The following ESRRG variants were observed in gnomAD, a reference collection of about 807,000 sequenced individuals.
ESRRG encodes estrogen related receptor gamma.
ESRRG carries 13 observed loss-of-function variants against 44.0 expected under a neutral mutation model. The ratio of observed to expected loss-of-function variants is 0.30; its 90% CI spans 0.19 to 0.47. ESRRG has a LOEUF of 0.47. Ranked by LOEUF, ESRRG falls within the 20% of genes least tolerant of loss-of-function variation. The pLI is 1.00. For missense variants in ESRRG, 395 were observed against 580.6 expected, an observed-to-expected ratio of 0.68 and a Z score of 3.29; for synonymous variants, 215 against 214.6, an observed-to-expected ratio of 1.00 and a Z score of -0.02.
rs1051615277 is a variant in ESRRG, at chr1:216,707,061, G to C, written c.56+16183C>G. Among the ~76,000 whole-genome samples the C allele has an allele frequency of 7.2e-5, 11 of 152,172 alleles. No individual in the cohort carries two copies. In the South Asian group the frequency reaches 1.2e-3, roughly 17 times the overall value. On this transcript the variant is annotated intron_variant, in intron 1 of 6. Transcript: ENST00000408911. ...GAGATTATCTCAAGATTAAGGGCAA[G>C]GTTTTCTTATAAAAACTACTTTTCA...
intron 2 of ESRRG, among the ~76,000 whole-genome samples, chr1:216,835,950 G>C (rs1032739440): frequency 6.6e-6 from 1 of 151,944 alleles, no homozygotes; most frequent in African/African-American, 2.4e-5. Context: ...GCCCTAGTTC[G>C]ATAGAGTCCC....
At chr1:216,821,960 G>T (rs181508919) in intron 2 of ESRRG, among the ~76,000 whole-genome samples, 13 of 151,896 alleles carry the variant, frequency 8.6e-5, no homozygotes, top group African/African-American at 2.4e-4. Context: ...TCCATATTCT[G>T]ATGTCCCTAG....
intron 2 of ESRRG, among the ~76,000 whole-genome samples, chr1:216,935,765 T>C (rs1185077743): frequency 2.6e-5 from 4 of 151,954 alleles, no homozygotes; most frequent in Non-Finnish European, 5.9e-5. Flanking sequence ...TACAGGCACC[T>C]GCCACCATGC....
chr1:216,852,842 A>G (rs11117707), intron 2 of ESRRG, among the ~76,000 whole-genome samples: 8,024 of 142,688 alleles, frequency 0.056, 736 homozygotes, highest in African/African-American at 0.2. Context: ...GGCTCTTTCC[A>G]TGTTAAGATT....
chr1:216,583,455 T>C (rs937107834), intron 3 of ESRRG, among the ~76,000 whole-genome samples: 2 of 152,322 alleles, frequency 1.3e-5, no homozygotes, highest in Admixed American at 6.5e-5. Flanking sequence ...TTGAGGAAAC[T>C]AGATTGGAAT....
chr1:216,922,792 T>G (rs1466796244), intron 2 of ESRRG, among the ~76,000 whole-genome samples: 22 of 152,178 alleles, frequency 1.4e-4, no homozygotes, highest in Admixed American at 1.4e-3. Flanking sequence ...ACTTTAGTGT[T>G]TCCTGTGGGT....
intron 5 of ESRRG, among the ~76,000 whole-genome samples, chr1:216,554,552 C>A (rs1032761174): frequency 2.0e-5 from 3 of 151,832 alleles, no homozygotes; most frequent in African/African-American, 4.8e-5. Context: ...TGGAGGACTG[C>A]TAGAGCCCAG....
intron 2 of ESRRG, among the ~76,000 whole-genome samples, chr1:216,889,539 C>A (rs2149386190): frequency 6.6e-6 from 1 of 152,316 alleles, no homozygotes; most frequent in East Asian, 1.9e-4. Context: ...AAAGGAGTTT[C>A]TCCATTCTGG....
intron 1 of ESRRG, among the ~76,000 whole-genome samples, chr1:217,123,887 T>A (rs1438372245): frequency 6.6e-6 from 1 of 152,088 alleles, no homozygotes; most frequent in African/African-American, 2.4e-5. Context: ...CCTGCACATC[T>A]CGCACATGTA....
At chr1:216,756,606 C>T (rs2092461243) in intron 2 of ESRRG, among the ~76,000 whole-genome samples, 1 of 151,580 alleles carries the variant, frequency 6.6e-6, no homozygotes, top group East Asian at 1.9e-4. Flanking sequence ...ATTCTAGCTA[C>T]TTTAAAAGAG....
At chr1:216,652,213 G>T (rs1044652013) in intron 2 of ESRRG, among the ~76,000 whole-genome samples, 1 of 152,046 alleles carries the variant, frequency 6.6e-6, no homozygotes, top group South Asian at 2.1e-4. Context: ...CAAAACTCAG[G>T]GTCCGTCCAA....
intron 1 of ESRRG, among the ~76,000 whole-genome samples, chr1:216,956,700 G>A (rs12065974): frequency 0.047 from 7,226 of 152,246 alleles, 530 homozygotes; most frequent in African/African-American, 0.16. Context: ...CATTGTGTAC[G>A]AAGGAGCTAT....
rs147696361 is a variant in ESRRG, at chr1:217,083,380, ATAGT to A, written c.-106+6123_-106+6126del. Among the ~76,000 whole-genome samples the A allele has an allele frequency of 8.6e-3, 1,311 of 152,348 alleles. 19 individuals are homozygous for A. The highest frequency in any genetic ancestry group is 0.029 in the African/African-American group (1,207 of 41,576). ...ATGGCGTAGGGCCATACTTAAGTAAATAGTTAGTTTATAGAAAGGAAATAAATAG... is the reference window on the plus strand; with the variant it reads ...ATGGCGTAGGGCCATACTTAAGTAAATAGTTTATAGAAAGGAAATAAATAG... On this transcript the variant is annotated intron_variant, in intron 1 of 7. Transcript: ENST00000359162.
intron 2 of ESRRG, among the ~76,000 whole-genome samples, chr1:216,770,170 G>A (rs1282704613): frequency 2.0e-5 from 3 of 152,066 alleles, no homozygotes; most frequent in Admixed American, 6.6e-5. Flanking sequence ...ACCCTGGTGA[G>A]TCTTTTGGTG....
intron 2 of ESRRG, among the ~76,000 whole-genome samples, chr1:216,753,602 T>C (rs12124089): frequency 0.061 from 9,274 of 152,198 alleles, 313 homozygotes; most frequent in South Asian, 0.11. Context: ...AGAGGTGCAT[T>C]TGGGCTTTCC....
chr1:216,938,267 G>C (rs572754986), intron 2 of ESRRG, among the ~76,000 whole-genome samples: 144 of 152,298 alleles, frequency 9.5e-4, no homozygotes, highest in African/African-American at 3.4e-3. Flanking sequence ...TAGTAAGCAT[G>C]AATTTGAAGC....
chr1:217,127,268 T>C (rs2092904800), intron 1 of ESRRG, among the ~76,000 whole-genome samples: 1 of 152,214 alleles, frequency 6.6e-6, no homozygotes, highest in Non-Finnish European at 1.5e-5. Context: ...GCCTTTTGCT[T>C]ATATGTTTTG....
chr1:216,700,539 T>C (rs2081199438), intron 1 of ESRRG, among the ~76,000 whole-genome samples: 1 of 152,058 alleles, frequency 6.6e-6, no homozygotes, highest in Non-Finnish European at 1.5e-5. Context: ...CTTAAACATA[T>C]AAGCTGGACT....
intron 5 of ESRRG, among the ~76,000 whole-genome samples, chr1:216,539,925 A>G (rs961202258): frequency 3.3e-5 from 5 of 152,066 alleles, no homozygotes; most frequent in Middle Eastern, 3.2e-3. Context: ...CCCTCTAAAG[A>G]ACAGTCAAAA....
Sources: gnomAD v4.1 joint callset for allele counts (sites outside exome capture counted in the v4.1 genomes callset) on GRCh38, gnomAD v4.1.1 for gene constraint, MANE v1.5 for transcripts, NCBI Gene and HGNC (gene_info 2026-07-23, HGNC 2026-07-21) for gene names.